MYOM1: variants seen among roughly 807,000 people sequenced by gnomAD.
MYOM1 encodes myomesin-1.
In MYOM1, 164 loss-of-function variants were observed where a neutral mutation model predicts 205.3. The ratio of observed to expected loss-of-function variants is 0.80; its 90% CI spans 0.70 to 0.91. The LOEUF (loss-of-function observed/expected upper bound fraction) is 0.91, where lower values mean the gene tolerates loss of function less well. MYOM1 is among the 40% of genes least tolerant of loss of function. The pLI is 0.00. For synonymous variants in MYOM1, 772 were observed against 789.4 expected (o/e 0.98, Z 0.37); for missense variants, 2,011 against 2,127.3 (o/e 0.95, Z 1.08).
At position 3,135,699 on chromosome 18, in the gene MYOM1, A is replaced by C; in HGVS notation, c.2057T>G (p.Val686Gly). Reference protein sequence around the residue: ...CEAGTENWQRVNTELPVKSPR... With the variant: ...CEAGTENWQRGNTELPVKSPR... ...AGACTTCACAGGGAGCTCCGTGTTC[A>C]CTCGCTGCCAGTTTTCTGTTCCTGC... The change falls in exon 15 of 38, where the codon GTG becomes GGG. Residue 686 changes from valine to glycine, a missense_variant. Coordinates refer to ENST00000356443, the MANE Select transcript of MYOM1 (RefSeq NM_003803.4). This position sits in a 1 kb window ranked among gnomAD's most constrained non-coding sequence, Gnocchi z 4.1. The C allele has an allele frequency of 1.2e-6, 2 of 1,613,838 alleles. No individual in the cohort carries two copies. The highest frequency in any genetic ancestry group is 2.2e-5 in the South Asian group (2 of 91,080).
chr18:3,158,131 C>T (rs2080328218), intron 10 of MYOM1, among the ~76,000 whole-genome samples: 1 of 152,144 alleles, frequency 6.6e-6, no homozygotes, highest in Non-Finnish European at 1.5e-5. Context: ...GAGATAACTA[C>T]TATTACCATA....
chr18:3,224,913 A>C (rs1014643666), upstream of MYOM1, among the ~76,000 whole-genome samples: 4 of 151,226 alleles, frequency 2.6e-5, no homozygotes, highest in Admixed American at 2.0e-4. Flanking sequence ...GATCCACCCA[A>C]CTCGGCCTCC....
At chr18:3,131,035 T>C (rs1231736489) in intron 17 of MYOM1, among the ~76,000 whole-genome samples, 1 of 152,246 alleles carries the variant, frequency 6.6e-6, no homozygotes, top group Non-Finnish European at 1.5e-5. Context: ...ATCTGTGTTA[T>C]GGGTGATATA....
intron 10 of MYOM1, among the ~76,000 whole-genome samples, chr18:3,156,044 C>T (rs2080297295): frequency 6.6e-6 from 1 of 152,188 alleles, no homozygotes; most frequent in African/African-American, 2.4e-5. Context: ...CCTGACCACA[C>T]GGCCCCTCAG....
intron 22 of MYOM1, among the ~76,000 whole-genome samples, chr18:3,110,896 C>T (rs1365383455): frequency 1.3e-5 from 2 of 150,984 alleles, no homozygotes; most frequent in Non-Finnish European, 2.9e-5. Flanking sequence ...AACTACGGTT[C>T]TAGCAGATGA....
chr18:3,177,565 G>A lies in MYOM1; in HGVS notation c.930-1431C>T, dbSNP rs113746880. ...TGGCTCACTGCAAACTCCACCTCCC[G>A]GGTTCAAGTGATTCTCCTGCCTCAG... On this transcript the variant is annotated intron_variant, in intron 5 of 37. Coordinates refer to ENST00000356443, the MANE Select transcript of MYOM1 (RefSeq NM_003803.4). 8.3e-3 allele frequency among the ~76,000 whole-genome samples: 1,253 copies of A among 151,788 alleles called. 12 individuals are homozygous for A. Among genetic ancestry groups the A allele is most frequent in the African/African-American group, 0.028 (1,171 of 41,420 alleles).
At chr18:3,095,324 T>C (rs1018854608) in intron 25 of MYOM1, among the ~76,000 whole-genome samples, 5 of 152,276 alleles carry the variant, frequency 3.3e-5, no homozygotes, top group South Asian at 4.2e-4. Flanking sequence ...ATCCTAATAC[T>C]TGGGGAGGCC....
chr18:3,206,286 T>C (rs137938675), intron 2 of MYOM1, among the ~76,000 whole-genome samples: 2 of 152,234 alleles, frequency 1.3e-5, no homozygotes, highest in African/African-American at 4.8e-5. Context: ...AAAAACTTCA[T>C]CTTTACATAT....
At chr18:3,177,535 C>T (rs2080664401) in intron 5 of MYOM1, among the ~76,000 whole-genome samples, 1 of 151,482 alleles carries the variant, frequency 6.6e-6, no homozygotes, top group Admixed American at 6.6e-5. Flanking sequence ...GCAATGGCAT[C>T]ATCTTGGCTC....
chr18:3,120,414 A>G (rs2079671473), intron 19 of MYOM1, among the ~76,000 whole-genome samples: 1 of 152,174 alleles, frequency 6.6e-6, no homozygotes, highest in Admixed American at 6.5e-5. Context: ...TGTCACACTG[A>G]GAGCTGCCTA....
chr18:3,072,574 G>A (rs1310738029), intron 36 of MYOM1, among the ~76,000 whole-genome samples: 1 of 151,714 alleles, frequency 6.6e-6, no homozygotes, highest in Non-Finnish European at 1.5e-5. Flanking sequence ...GGTTGGTCTT[G>A]AGCTCCGGAC....
intron 20 of MYOM1, among the ~76,000 whole-genome samples, chr18:3,117,861 G>A (rs547584273): frequency 1.9e-4 from 29 of 152,182 alleles, no homozygotes; most frequent in African/African-American, 5.8e-4. Flanking sequence ...CTTGCCTTCC[G>A]ATGTTTTGTA....
chr18:3,221,748 C>T (rs1407481131), upstream of MYOM1, among the ~76,000 whole-genome samples: 1 of 152,192 alleles, frequency 6.6e-6, no homozygotes, highest in African/African-American at 2.4e-5. Flanking sequence ...TCTGTTCCAC[C>T]TAGTTCTGAT....
In MYOM1 at chr18:3,154,392, T is replaced by G. The variant is rs1440172818; in HGVS notation, c.1643+555A>C. Among the ~76,000 whole-genome samples, 3 of 152,030 alleles carry G rather than the reference T, an allele frequency of 2.0e-5. No individual in the cohort carries two copies. The East Asian group carries it at 5.8e-4, about 30-fold the overall frequency. ...CTAATTTGGCAAGAATGCTATGAAT[T>G]CGTAGACCTAATAGAGACCTAACAG... is the stretch of plus-strand genomic sequence containing the variant. On this transcript the variant is annotated intron_variant, in intron 11 of 37. Transcript: ENST00000356443.
At chr18:3,100,289 C>T (rs780666765) in intron 24 of MYOM1, 31 bp downstream of exon 24, 16 of 1,611,430 alleles carry the variant, frequency 9.9e-6, no homozygotes, top group Middle Eastern at 1.6e-4. Flanking sequence ...AAGCAACATT[C>T]GATGTGTGAA....
chr18:3,221,168 T>C (rs1808915), upstream of MYOM1, among the ~76,000 whole-genome samples: 21,296 of 151,810 alleles, frequency 0.14, 2,349 homozygotes, highest in African/African-American at 0.31. Context: ...GCGCATGCCA[T>C]CACACTCGGC....
At chr18:3,229,141 T>C in the MYOM1 span, among the ~76,000 whole-genome samples, 1 of 152,232 alleles carries the variant, frequency 6.6e-6, no homozygotes, top group African/African-American at 2.4e-5. Context: ...CACCTCTCTG[T>C]GACTTCTTTT....
chr18:3,220,859 C>T (rs7237476), upstream of MYOM1, among the ~76,000 whole-genome samples: 21,264 of 152,204 alleles, frequency 0.14, 1,666 homozygotes, highest in East Asian at 0.33. Flanking sequence ...GTGACAGTCA[C>T]ATAATATAGA....
At chr18:3,069,998 C>T (rs972345059) in intron 37 of MYOM1, among the ~76,000 whole-genome samples, 1 of 152,160 alleles carries the variant, frequency 6.6e-6, no homozygotes, top group Non-Finnish European at 1.5e-5. Context: ...TGAAACCTAC[C>T]TCTTGCTAAA....
Sources: gnomAD v4.1 joint callset for allele counts (sites outside exome capture counted in the v4.1 genomes callset) on GRCh38, gnomAD v4.1.1 for gene constraint, Gnocchi (gnomAD v3.1) non-coding constraint, MANE v1.5 for transcripts, NCBI Gene and HGNC (gene_info 2026-07-23, HGNC 2026-07-21) for gene names.